ITGBL1: variants seen among roughly 807,000 people sequenced by gnomAD.
ITGBL1 encodes integrin subunit beta like 1.
Under a neutral mutation model 68.5 loss-of-function variants are expected in ITGBL1, and 51 were observed. The ratio of observed to expected loss-of-function variants is 0.74; its 90% CI spans 0.59 to 0.94. The LOEUF (loss-of-function observed/expected upper bound fraction) is 0.94. Ranked by LOEUF, ITGBL1 falls within the 40% of genes least tolerant of loss-of-function variation. ITGBL1 has a pLI of 0.00. For missense variants in ITGBL1, 649 were observed against 647.4 expected, an observed-to-expected ratio of 1.00 and a Z score of -0.03; for synonymous variants, 209 against 227.3, an observed-to-expected ratio of 0.92 and a Z score of 0.72.
intron 2 of ITGBL1, among the ~76,000 whole-genome samples, chr13:101,555,219 G>T (rs575625688): frequency 7.2e-5 from 11 of 151,848 alleles, no homozygotes; most frequent in Non-Finnish European, 1.6e-4. Context: ...AAACTTTTTT[G>T]ATTACACATC....
intron 8 of ITGBL1, among the ~76,000 whole-genome samples, chr13:101,702,111 G>T (rs2034149908): frequency 6.6e-6 from 1 of 152,038 alleles, no homozygotes; most frequent in Admixed American, 6.5e-5. Flanking sequence ...CACGGAATTG[G>T]TCCAAATGAT....
chr13:101,502,938 A>G (rs2048967381), intron 2 of ITGBL1, among the ~76,000 whole-genome samples: 1 of 152,178 alleles, frequency 6.6e-6, no homozygotes, highest in African/African-American at 2.4e-5. Flanking sequence ...ATGCCTCTCC[A>G]TCTACAGATT....
At chr13:101,684,094 C>A (rs1321120534) in intron 7 of ITGBL1, among the ~76,000 whole-genome samples, 1 of 151,878 alleles carries the variant, frequency 6.6e-6, no homozygotes, top group Non-Finnish European at 1.5e-5. Context: ...TTTTTAGTTA[C>A]TTACTCCAGC....
intron 2 of ITGBL1, among the ~76,000 whole-genome samples, chr13:101,564,634 T>TG (rs1254387738): frequency 1.3e-5 from 2 of 149,718 alleles, no homozygotes; most frequent in Admixed American, 6.7e-5. Flanking sequence ...TATATATATG[T>TG]TTTTATATAT....
At chr13:101,515,913 G>A (rs557704326) in intron 2 of ITGBL1, among the ~76,000 whole-genome samples, 3 of 152,142 alleles carry the variant, frequency 2.0e-5, no homozygotes, top group South Asian at 4.2e-4. Context: ...TTATATTTCT[G>A]CACTTAAATG....
Position 101,578,266 on chromosome 13 carries a change from G to A in ITGBL1, c.587-1021G>A, listed in dbSNP as rs376228544. On this transcript the variant is annotated intron_variant, in intron 4 of 10. Transcript: ENST00000376180. ...TATGCTTATAAGACAATGAAAAGTAGTCTCATAATCAGTTTTGCATTGTCT... is the reference window on the plus strand; with the variant it reads ...TATGCTTATAAGACAATGAAAAGTAATCTCATAATCAGTTTTGCATTGTCT... Among the ~76,000 whole-genome samples the A allele has an allele frequency of 1.1e-4, 16 of 152,280 alleles. No homozygotes were observed. In the East Asian group the frequency reaches 2.9e-3, roughly 28 times the overall value.
chr13:101,676,314 T>A (rs182507835), intron 7 of ITGBL1, among the ~76,000 whole-genome samples: 1 of 152,218 alleles, frequency 6.6e-6, no homozygotes, highest in Admixed American at 6.5e-5. Flanking sequence ...GTTTACTTTT[T>A]TTCTGGCAGA....
chr13:101,569,602 C>A lies in ITGBL1; in HGVS notation c.463+1757C>A, dbSNP rs78179928. ...TATGTTTATATCTCTCTTTAGTCTT[C>A]TTTAATCTGGGTCATTTCCACAGAC... On this transcript the variant is annotated intron_variant, in intron 3 of 10. Coordinates refer to ENST00000376180, the MANE Select transcript of ITGBL1 (RefSeq NM_004791.3). 1.9e-3 allele frequency among the ~76,000 whole-genome samples: 284 copies of A among 152,202 alleles called. 7 individuals carry two copies. In the East Asian group the frequency reaches 0.046, roughly 24 times the overall value.
intron 7 of ITGBL1, among the ~76,000 whole-genome samples, chr13:101,606,155 G>A (rs2030840178): frequency 7.9e-6 from 1 of 126,834 alleles, no homozygotes; most frequent in Non-Finnish European, 1.6e-5. Context: ...ATATACTTCA[G>A]TATATTCTAT....
intron 7 of ITGBL1, among the ~76,000 whole-genome samples, chr13:101,617,125 G>A (rs1298582429): frequency 6.6e-6 from 1 of 152,056 alleles, no homozygotes; most frequent in Admixed American, 6.6e-5. Context: ...ATTATTTTGA[G>A]CTACATATGC....
intron 2 of ITGBL1, among the ~76,000 whole-genome samples, chr13:101,561,265 G>T (rs1380690700): frequency 6.6e-6 from 1 of 152,126 alleles, no homozygotes; most frequent in Non-Finnish European, 1.5e-5. Context: ...GAAAGGACTG[G>T]AAGATGCTTT....
chr13:101,462,607 G>T (rs2048332304), intron 2 of ITGBL1, among the ~76,000 whole-genome samples: 1 of 151,952 alleles, frequency 6.6e-6, no homozygotes, highest in Non-Finnish European at 1.5e-5. Flanking sequence ...TTTTGAGTTG[G>T]ATTCTCGCTG....
chr13:101,719,906 A>G (rs1250058894), downstream of ITGBL1: 4 of 152,130 alleles, frequency 2.6e-5, no homozygotes, highest in East Asian at 1.9e-4. Flanking sequence ...AACAAATAGC[A>G]AGAGAGGTAT....
Position 101,588,702 on chromosome 13 carries a change from A to G in ITGBL1, c.868+5346A>G, listed in dbSNP as rs948786572. ...TTCACTATTTGTCTATTAAAAAAAA[A>G]AAAAAACCTGATGTAATGTTATGGC... On this transcript the variant is annotated intron_variant, in intron 6 of 10. Transcript: ENST00000376180. Among the ~76,000 whole-genome samples the G allele has an allele frequency of 9.0e-3, 1,375 of 152,106 alleles. 19 individuals are homozygous for G. Among genetic ancestry groups the G allele is most frequent in the African/African-American group, 0.031 (1,299 of 41,542 alleles).
chr13:101,605,026 GTA>G (rs1425127035), intron 7 of ITGBL1, among the ~76,000 whole-genome samples: 2 of 134,386 alleles, frequency 1.5e-5, no homozygotes. Context: ...ATGTGTATAT[GTA>G]TATATACATA....
At chr13:101,484,715 A>G (rs1444657061) in intron 2 of ITGBL1, among the ~76,000 whole-genome samples, 1 of 152,154 alleles carries the variant, frequency 6.6e-6, no homozygotes, top group Non-Finnish European at 1.5e-5. Flanking sequence ...TAGGTTTTAA[A>G]AATGAATGGA....
intron 3 of ITGBL1, among the ~76,000 whole-genome samples, chr13:101,569,460 C>G (rs762234903): frequency 3.3e-5 from 5 of 152,130 alleles, no homozygotes; most frequent in Non-Finnish European, 7.4e-5. Flanking sequence ...TCTGTACTCT[C>G]TCATTTTTTA....
chr13:101,605,003 CATATATGCGTATATGTGTATATGTATAT>C (rs1294882952), intron 7 of ITGBL1, among the ~76,000 whole-genome samples: 5 of 122,072 alleles, frequency 4.1e-5, no homozygotes, highest in African/African-American at 1.5e-4. Context: ...TGTATATATA[CATATATGCGTATATGTGTATATGTATAT>C]ATACATATAC....
chr13:101,621,754 A>C (rs1350308612), intron 7 of ITGBL1, among the ~76,000 whole-genome samples: 1 of 152,198 alleles, frequency 6.6e-6, no homozygotes, highest in East Asian at 1.9e-4. Flanking sequence ...TCTCTTGGGA[A>C]AAGGCAGACC....
Sources: allele counts gnomAD v4.1 joint callset (sites outside exome capture counted in the v4.1 genomes callset), GRCh38; gene constraint gnomAD v4.1.1; transcripts MANE v1.5; gene names NCBI Gene and HGNC (gene_info 2026-07-23, HGNC 2026-07-21).